CHRNA7: variants seen among roughly 807,000 people sequenced by gnomAD.
The protein encoded by CHRNA7 is neuronal acetylcholine receptor subunit alpha-7.
CHRNA7 carries 17 observed loss-of-function variants against 48.0 expected under a neutral mutation model. The ratio of observed to expected loss-of-function variants is 0.35; its 90% CI spans 0.24 to 0.53. The LOEUF (loss-of-function observed/expected upper bound fraction) is 0.53, where lower values mean the gene tolerates loss of function less well. Among genes scored for constraint, CHRNA7 ranks in the 20% least tolerant of loss-of-function variants. The probability of loss-of-function intolerance (pLI) is 0.92; values close to 1 mark genes in which losing one functional copy is unlikely to be tolerated. For synonymous variants in CHRNA7, 75 were observed against 242.3 expected (o/e 0.31, Z 6.41); for missense variants, 155 against 577.7 (o/e 0.27, Z 7.50).
At position 32,168,262 on chromosome 15, in the gene CHRNA7, A is replaced by ACTT. The variant is rs2052295574; in HGVS notation, c.1313_1314insCTT (p.Glu438delinsAspLeu). On this transcript the variant is annotated protein_altering_variant, in exon 10 of 10. Transcript: ENST00000306901. ...GACCCGGACTTGGCCAAGATCCTGG[A>ACTT]GGAGGTCCGCTACATTGCCAACCGC... The ACTT allele has an allele frequency of 2.7e-6, 4 of 1,489,402 alleles. No homozygotes were observed. Among genetic ancestry groups the ACTT allele is most frequent in the Non-Finnish European group, 2.7e-6 (3 of 1,110,992 alleles). The allele number at this position is 1,489,402 out of a possible 1,614,324, so 92.3% of individuals were successfully genotyped here.
intron 4 of CHRNA7, among the ~76,000 whole-genome samples, chr15:32,114,321 T>C (rs1052096937): frequency 4.6e-5 from 7 of 152,020 alleles, no homozygotes; most frequent in African/African-American, 1.7e-4. Flanking sequence ...AAGTTGTAAT[T>C]GAATTTCAAG....
At chr15:32,067,350 A>G (rs1178396401) in intron 2 of CHRNA7, among the ~76,000 whole-genome samples, 2 of 152,232 alleles carry the variant, frequency 1.3e-5, no homozygotes, top group African/African-American at 4.8e-5. Flanking sequence ...ACCATGGAAG[A>G]TAGAAAGCAG....
chr15:32,111,767 G>C (rs1356477870), intron 3 of CHRNA7, 23 bp from the exon 4 acceptor site: 2 of 1,422,040 alleles, frequency 1.4e-6, no homozygotes, highest in Admixed American at 3.4e-5. Context: ...GTGAAGTGCT[G>C]CTAATGTCAT....
intron 2 of CHRNA7, among the ~76,000 whole-genome samples, chr15:32,055,532 C>G (rs2049771978): frequency 6.6e-6 from 1 of 152,146 alleles, no homozygotes; most frequent in Admixed American, 6.6e-5. Context: ...AACCTGCTCC[C>G]TTCATAATGA....
In CHRNA7 at chr15:32,146,797, CAACTA is replaced by C. The variant is rs556954939; in HGVS notation, c.351-7107_351-7103del. On this transcript the variant is annotated intron_variant, in intron 4 of 9. Transcript: ENST00000306901. ...ATTCCAACTAAATTTAATGTGATTC[CAACTA>C]AAGTCTTAACAGGGACTTCATGAGA... Among the ~76,000 whole-genome samples, 19 of 152,050 alleles carry C rather than the reference CAACTA, an allele frequency of 1.2e-4. No homozygotes were observed. In the South Asian group the frequency reaches 3.7e-3, roughly 30 times the overall value.
intron 4 of CHRNA7, among the ~76,000 whole-genome samples, chr15:32,151,312 A>G (rs1199114139): frequency 6.6e-6 from 1 of 152,100 alleles, no homozygotes; most frequent in Admixed American, 6.6e-5. Context: ...TGCTCAAGTC[A>G]TCCTCTAAAT....
intron 3 of CHRNA7, among the ~76,000 whole-genome samples, chr15:32,108,688 G>A (rs2050712674): frequency 6.6e-6 from 1 of 152,138 alleles, no homozygotes; most frequent in African/African-American, 2.4e-5. Context: ...CTTGGCTGCA[G>A]CTATGTTATG....
At position 32,030,910 on chromosome 15, in the gene CHRNA7, G is replaced by A; in HGVS notation, c.68G>A (p.Gly23Asp). ...TTCTCTCCTTAAGTGTCCCTGCAAG[G>A]CGAGTTCCAGAGGAAGCTTTACAAG... ...AASLLHVSLQ[G>D]EFQRKLYKEL... The change falls in exon 2 of 10, where the codon GGC (glycine) becomes GAC (aspartate). Residue 23 changes from glycine (G) to aspartate (D), a missense_variant. Gly to Asp is a moderately conservative substitution (Grantham distance 94, BLOSUM62 -1). Coordinates refer to ENST00000306901, the MANE Select transcript of CHRNA7 (RefSeq NM_000746.6). 6.2e-7 allele frequency: 1 copy of A among 1,614,076 alleles called. No individual in the cohort carries two copies. Among genetic ancestry groups the A allele is most frequent in the Non-Finnish European group, 8.5e-7 (1 of 1,180,008 alleles).
At chr15:32,035,830 A>C (rs1328684620) in intron 2 of CHRNA7, among the ~76,000 whole-genome samples, 1 of 152,210 alleles carries the variant, frequency 6.6e-6, no homozygotes, top group Non-Finnish European at 1.5e-5. Flanking sequence ...AAAATGAAGA[A>C]GAAGGTACAG....
In CHRNA7 at chr15:32,167,516, C is replaced by T. The variant is rs1427365700; in HGVS notation, c.991-424C>T. ...GAAAATGTACAACCTCCCCCAGGCA[C>T]TCTTTGCGAATTTGCAGTGGCCTTC... On this transcript the variant is annotated intron_variant, in intron 9 of 9. Coordinates refer to ENST00000306901, the MANE Select transcript of CHRNA7 (RefSeq NM_000746.6). 9.9e-6 allele frequency: 2 copies of T among 201,732 alleles called. 1 individual carries two copies. The highest frequency in any genetic ancestry group is 1.8e-5 in the Non-Finnish European group (2 of 109,752). 12.5% of individuals were successfully genotyped at this position (201,732 alleles called of 1,614,324 possible). A position where few individuals can be genotyped will look rare whatever the true frequency, so the allele number is the denominator to read the frequency against.
At chr15:32,148,769 A>G (rs571261015) in intron 4 of CHRNA7, among the ~76,000 whole-genome samples, 8 of 152,308 alleles carry the variant, frequency 5.3e-5, no homozygotes, top group Non-Finnish European at 1.0e-4. Context: ...AACATGGTGT[A>G]AGCAAACACC....
At chr15:32,051,422 T>C (rs4779965) in intron 2 of CHRNA7, among the ~76,000 whole-genome samples, 149,594 of 152,210 alleles carry the variant, frequency 0.98, 73,573 homozygotes, top group East Asian at 1. Flanking sequence ...TAGCAATCAG[T>C]GAGACTCCAT....
chr15:32,166,517 C>T (rs1188880906), intron 9 of CHRNA7: 3 of 152,312 alleles, frequency 2.0e-5, no homozygotes, highest in Non-Finnish European at 4.4e-5. Flanking sequence ...TTGCAGTTAT[C>T]TTTGATAAGA....
intron 2 of CHRNA7, among the ~76,000 whole-genome samples, chr15:32,081,093 AT>A (rs1388025677): frequency 6.6e-6 from 1 of 152,210 alleles, no homozygotes; most frequent in Non-Finnish European, 1.5e-5. Flanking sequence ...ATGAGAACAC[AT>A]GGACATGGGG....
At chr15:32,070,999 T>C (rs536285021) in intron 2 of CHRNA7, among the ~76,000 whole-genome samples, 1 of 152,238 alleles carries the variant, frequency 6.6e-6, no homozygotes, top group Admixed American at 6.5e-5. Context: ...GTTCCTTTTT[T>C]TATATCGATG....
intron 3 of CHRNA7, among the ~76,000 whole-genome samples, chr15:32,108,229 A>C (rs1038643967): frequency 6.6e-6 from 1 of 152,042 alleles, no homozygotes; most frequent in African/African-American, 2.4e-5. Context: ...TGCCTTTTAG[A>C]TCAATGGCCC....
intron 2 of CHRNA7, chr15:32,099,376 C>T (rs1239362579): frequency 6.6e-6 from 1 of 152,158 alleles, no homozygotes; most frequent in Non-Finnish European, 1.5e-5. Flanking sequence ...TGGGGGGTTC[C>T]CCTAACGGGT....
At chr15:32,127,426 T>C (rs2051086701) in intron 4 of CHRNA7, among the ~76,000 whole-genome samples, 1 of 152,192 alleles carries the variant, frequency 6.6e-6, no homozygotes, top group Non-Finnish European at 1.5e-5. Flanking sequence ...CCCACCTAAG[T>C]GATCAAGTAA....
intron 2 of CHRNA7, among the ~76,000 whole-genome samples, chr15:32,097,648 A>C (rs999829464): frequency 6.6e-6 from 1 of 152,366 alleles, no homozygotes; most frequent in Middle Eastern, 3.4e-3. Flanking sequence ...AAATGGAATT[A>C]AACATAGAGT....
Sources: gnomAD v4.1 joint callset for allele counts (sites outside exome capture counted in the v4.1 genomes callset) on GRCh38, gnomAD v4.1.1 for gene constraint, MANE v1.5 for transcripts, NCBI Gene and HGNC (gene_info 2026-07-23, HGNC 2026-07-21) for gene names.